PARD3B: variants seen among roughly 807,000 people sequenced by gnomAD.
The protein encoded by PARD3B is partitioning defective 3 homolog B.
PARD3B carries 103 observed loss-of-function variants against 130.2 expected under a neutral mutation model. The observed-to-expected ratio is 0.79, with a 90% CI of 0.67 to 0.93. The LOEUF (loss-of-function observed/expected upper bound fraction) is 0.93, where lower values mean the gene tolerates loss of function less well. PARD3B is among the 40% of genes least tolerant of loss of function. The probability of loss-of-function intolerance (pLI) is 0.00; values close to 1 mark genes in which losing one functional copy is unlikely to be tolerated. For missense variants in PARD3B, 1,609 were observed against 1,499.2 expected, an observed-to-expected ratio of 1.07 and a Z score of -1.21; for synonymous variants, 583 against 553.2, an observed-to-expected ratio of 1.05 and a Z score of -0.76.
intron 11 of PARD3B, among the ~76,000 whole-genome samples, chr2:205,171,594 A>G (rs1346204903): frequency 6.6e-6 from 1 of 152,218 alleles, no homozygotes; most frequent in East Asian, 1.9e-4. Flanking sequence ...TCTTTTTGTC[A>G]AGCTTTTCCA....
intron 22 of PARD3B, among the ~76,000 whole-genome samples, chr2:205,574,862 A>G (rs899358186): frequency 1.3e-5 from 2 of 150,824 alleles, no homozygotes; most frequent in African/African-American, 4.9e-5. Context: ...GAGTAAAAAA[A>G]AAAAAAAAAA....
intron 5 of PARD3B, 102 bp downstream of exon 5, chr2:205,104,616 T>C (rs754593530): frequency 9.7e-6 from 8 of 824,104 alleles, no homozygotes; most frequent in Non-Finnish European, 1.5e-5. Flanking sequence ...TCAGGATAAG[T>C]AGAATCATGG....
chr2:205,356,061 C>A (rs548574848), intron 18 of PARD3B, among the ~76,000 whole-genome samples: 27 of 152,290 alleles, frequency 1.8e-4, no homozygotes, highest in African/African-American at 5.5e-4. Flanking sequence ...CATATTTACC[C>A]AGAAATTTCA....
rs1467787935 is a variant in PARD3B at position 205,300,305 on chromosome 2, T to G, written c.2186-225T>G. Reference sequence around the variant, plus strand: ...TGCATAGAGAGAAATGTACCTATAGTCATATTAAATTTTATCACAGCTTTA... The same window carrying G: ...TGCATAGAGAGAAATGTACCTATAGGCATATTAAATTTTATCACAGCTTTA... On this transcript the variant is annotated intron_variant, in intron 16 of 22. Transcript: ENST00000406610. The surrounding 1 kb of genome is among the most constrained non-coding windows in gnomAD (Gnocchi z 4.1). Among the ~76,000 whole-genome samples, 1 of 152,018 alleles carries G rather than the reference T, an allele frequency of 6.6e-6. No individual in the cohort carries two copies. Among genetic ancestry groups the G allele is most frequent in the Non-Finnish European group, 1.5e-5 (1 of 68,014 alleles).
intron 3 of PARD3B, among the ~76,000 whole-genome samples, chr2:205,007,029 A>G (rs1338190442): frequency 6.6e-6 from 1 of 152,178 alleles, no homozygotes; most frequent in African/African-American, 2.4e-5. Context: ...TAATCCCCAT[A>G]ATCCCCACGT....
chr2:204,571,776 TA>T (rs1480666917), intron 1 of PARD3B, among the ~76,000 whole-genome samples: 2 of 152,230 alleles, frequency 1.3e-5, no homozygotes, highest in Admixed American at 1.3e-4. Flanking sequence ...AGTTAGAGCA[TA>T]AACTTTAGTT....
chr2:205,568,692 A>G lies in PARD3B; in HGVS notation c.3260+15289A>G, dbSNP rs908352965. On this transcript the variant is annotated intron_variant, in intron 22 of 22. Transcript: ENST00000406610. The surrounding 1 kb of genome is among the most constrained non-coding windows in gnomAD (Gnocchi z 5.3). ...ATTTCAACATGTCATCTTTGCTTCAATTATGAACAATAAAAACTTGGCCAA... is the reference window on the plus strand; with the variant it reads ...ATTTCAACATGTCATCTTTGCTTCAGTTATGAACAATAAAAACTTGGCCAA... 6.6e-6 allele frequency among the ~76,000 whole-genome samples: 1 copy of G among 152,194 alleles called. No individual in the cohort carries two copies. The highest frequency in any genetic ancestry group is 2.4e-5 in the African/African-American group (1 of 41,444).
At chr2:205,285,046 T>G (rs1274879378) in intron 16 of PARD3B, among the ~76,000 whole-genome samples, 1 of 152,128 alleles carries the variant, frequency 6.6e-6, no homozygotes, top group Non-Finnish European at 1.5e-5. Flanking sequence ...TTCCTTTCTT[T>G]TTTTGATATA....
chr2:205,557,447 A>G (rs1455757569), intron 22 of PARD3B, among the ~76,000 whole-genome samples: 1 of 152,034 alleles, frequency 6.6e-6, no homozygotes, highest in East Asian at 1.9e-4. Flanking sequence ...TAGCCCCTCA[A>G]CTTCTGCTCC....
At chr2:204,913,053 A>T (rs2125729521) in intron 2 of PARD3B, among the ~76,000 whole-genome samples, 2 of 152,362 alleles carry the variant, frequency 1.3e-5, no homozygotes, top group South Asian at 4.1e-4. Context: ...TCAAATGTTT[A>T]ACTTTCTCAA....
intron 2 of PARD3B, among the ~76,000 whole-genome samples, chr2:204,806,686 TCAA>T (rs1246487478): frequency 6.6e-6 from 1 of 151,432 alleles, no homozygotes; most frequent in Non-Finnish European, 1.5e-5. Flanking sequence ...ATGGAAATAC[TCAA>T]CAAAGTGAAG....
intron 2 of PARD3B, among the ~76,000 whole-genome samples, chr2:204,834,885 T>G (rs1442053621): frequency 1.3e-5 from 2 of 152,212 alleles, no homozygotes; most frequent in Non-Finnish European, 2.9e-5. Context: ...GTCCTGATTC[T>G]AAGTACCCTG....
At chr2:204,879,930 A>G (rs1035467640) in intron 2 of PARD3B, among the ~76,000 whole-genome samples, 2 of 152,240 alleles carry the variant, frequency 1.3e-5, no homozygotes, top group Non-Finnish European at 2.9e-5. Context: ...GTCAGATTGA[A>G]ATAGACTCTA....
rs183555906 is a variant in PARD3B, at chr2:205,292,603, C to G, written c.2186-7927C>G. Among the ~76,000 whole-genome samples the G allele has an allele frequency of 6.6e-5, 10 of 152,258 alleles. No homozygotes were observed. Among genetic ancestry groups the G allele is most frequent in the Admixed American group, 6.5e-4 (10 of 15,300 alleles). Reference sequence around the variant, plus strand: ...TCATTTCTCCAAACTCCTGTTCCCTCCCAGACACACAGTCCCTCAAGGGCA... The same window carrying G: ...TCATTTCTCCAAACTCCTGTTCCCTGCCAGACACACAGTCCCTCAAGGGCA... On this transcript the variant is annotated intron_variant, in intron 16 of 22. Coordinates refer to ENST00000406610, the MANE Select transcript of PARD3B (RefSeq NM_001302769.2). This position sits in a 1 kb window ranked among gnomAD's most constrained non-coding sequence, Gnocchi z 5.3.
At chr2:205,557,886 CGTT>C (rs1435101719) in intron 22 of PARD3B, among the ~76,000 whole-genome samples, 1 of 152,090 alleles carries the variant, frequency 6.6e-6, no homozygotes, top group Non-Finnish European at 1.5e-5. Context: ...ATCCTTTTGG[CGTT>C]GCTTTCCTCC....
chr2:205,161,336 A>G (rs1164300377), intron 11 of PARD3B, among the ~76,000 whole-genome samples: 3 of 152,144 alleles, frequency 2.0e-5, no homozygotes, highest in Non-Finnish European at 2.9e-5. Flanking sequence ...CTGCTGAGTC[A>G]GACAATCACA....
chr2:205,195,328 A>C (rs893883438), intron 15 of PARD3B, among the ~76,000 whole-genome samples: 3 of 152,188 alleles, frequency 2.0e-5, no homozygotes, highest in Non-Finnish European at 4.4e-5. Context: ...GCTAAAATGC[A>C]CCATGCAGTG....
In PARD3B at chr2:205,027,149, A is replaced by T. The variant is rs150006251; in HGVS notation, c.395-20432A>T. ...TTAAGGAACCTCCATACTGTTCTCT[A>T]TAATGACTGCACCAATTTCCATTCC... On this transcript the variant is annotated intron_variant, in intron 3 of 22. Coordinates refer to ENST00000406610, the MANE Select transcript of PARD3B (RefSeq NM_001302769.2). Among the ~76,000 whole-genome samples, 909 of 152,312 alleles carry T rather than the reference A, an allele frequency of 6.0e-3. 10 individuals are homozygous for T. The highest frequency in any genetic ancestry group is 0.021 in the African/African-American group (872 of 41,578).
chr2:205,057,745 ATATGTATGTG>A (rs1377288972), intron 4 of PARD3B, among the ~76,000 whole-genome samples: 7 of 150,402 alleles, frequency 4.7e-5, no homozygotes, highest in South Asian at 2.1e-4. Context: ...GTATGTGTAT[ATATGTATGTG>A]TGTATATATA....
Sources: gnomAD v4.1 joint callset for allele counts (sites outside exome capture counted in the v4.1 genomes callset) on GRCh38, gnomAD v4.1.1 for gene constraint, Gnocchi (gnomAD v3.1) non-coding constraint, MANE v1.5 for transcripts, NCBI Gene and HGNC (gene_info 2026-07-23, HGNC 2026-07-21) for gene names.